Variants in NOB1 observed in about 807,000 individuals in gnomAD.
The protein encoded by NOB1 is RNA-binding protein NOB1.
A neutral mutation model predicts 44.8 loss-of-function variants in NOB1; 44 were observed. That is an observed-to-expected ratio of 0.98 (90% confidence interval 0.77 to 1.26). The LOEUF (loss-of-function observed/expected upper bound fraction) is 1.26, where lower values mean the gene tolerates loss of function less well. Among genes scored for constraint, NOB1 ranks in the 50% most tolerant of loss-of-function variants. The pLI is 0.00. For synonymous variants in NOB1, 238 were observed against 218.7 expected (o/e 1.09, Z -0.78); for missense variants, 560 against 544.8 (o/e 1.03, Z -0.28).
chr16:69,742,488 C>A lies in NOB1; in HGVS notation c.1083G>T (p.Val361=), dbSNP rs762807919. The change falls in exon 9 of 9, where the codon GTG becomes GTT. Residue 361 remains valine, a synonymous_variant. Transcript: ENST00000268802. The part of the protein sequence containing the change: ...LSQKARQKTN[V]FAPDYIAGVS... ...CCCCGGCGATGTAGTCAGGGGCGAACACGTTGGTTTTCTGCCTGGCCTTTT... is the reference window on the plus strand; with the variant it reads ...CCCCGGCGATGTAGTCAGGGGCGAAAACGTTGGTTTTCTGCCTGGCCTTTT... 2.6e-5 allele frequency: 42 copies of A among 1,614,090 alleles called. No individual in the cohort carries two copies. Among genetic ancestry groups the A allele is most frequent in the Non-Finnish European group, 3.2e-5 (38 of 1,180,046 alleles).
At chr16:69,752,437 G>A (rs1423252307) in intron 2 of NOB1, 66 bp from the exon 3 acceptor site, 3 of 1,538,130 alleles carry the variant, frequency 2.0e-6, no homozygotes, top group Non-Finnish European at 2.7e-6. Context: ...ATAACCAATG[G>A]AAGTATCAAA....
intron 7 of NOB1, among the ~76,000 whole-genome samples, 200 bp downstream of exon 7, chr16:69,748,032 G>A (rs2151753675): frequency 6.6e-6 from 1 of 152,260 alleles, no homozygotes; most frequent in Non-Finnish European, 1.5e-5. Context: ...GGGTGCAGTG[G>A]TATGTGCCTC....
At chr16:69,753,693 C>T (rs1253981671) in intron 2 of NOB1, among the ~76,000 whole-genome samples, 6 of 152,224 alleles carry the variant, frequency 3.9e-5, no homozygotes, top group Non-Finnish European at 8.8e-5. Flanking sequence ...CACTATCAGC[C>T]TCTAACCTCT....
chr16:69,746,313 C>T (rs1159776790), intron 7 of NOB1, among the ~76,000 whole-genome samples: 1 of 152,234 alleles, frequency 6.6e-6, no homozygotes, highest in Admixed American at 6.5e-5. Context: ...CCAGCCTGAG[C>T]CTGCAGAATG....
Position 69,742,114 on chromosome 16 carries a change from A to G in NOB1, c.*218T>C, listed in dbSNP as rs1386710207. The G allele has an allele frequency of 3.9e-6, 2 of 517,964 alleles. No individual in the cohort carries two copies. Among genetic ancestry groups the G allele is most frequent in the Non-Finnish European group, 6.8e-6 (2 of 293,082 alleles). 32.1% of individuals were successfully genotyped at this position (517,964 alleles called of 1,614,324 possible). A position where few individuals can be genotyped will look rare whatever the true frequency, so the allele number is the denominator to read the frequency against. ...GTTCTTTCTGTTTTTATGCAATTGC[A>G]CTTCCTTGGCAGGCAGCCAGGCGCT... is the stretch of plus-strand genomic sequence containing the variant. On this transcript the variant is annotated 3_prime_UTR_variant, in exon 9 of 9. Transcript: ENST00000268802.
chr16:69,752,070 A>C (rs981218174), intron 3 of NOB1, among the ~76,000 whole-genome samples, 171 bp downstream of exon 3: 6 of 152,094 alleles, frequency 3.9e-5, no homozygotes, highest in African/African-American at 1.4e-4. Flanking sequence ...ATCTCAAAAA[A>C]AAAAAAGTAC....
chr16:69,754,261 T>G (rs1049189414), intron 2 of NOB1, among the ~76,000 whole-genome samples: 2 of 152,242 alleles, frequency 1.3e-5, no homozygotes, highest in African/African-American at 4.8e-5. Context: ...CCAAATAAAT[T>G]TATTGCTTGT....
rs752791351 is a variant in NOB1, at chr16:69,754,813, C to G, written c.63+35G>C. The G allele has an allele frequency of 2.5e-6, 4 of 1,608,460 alleles. No individual in the cohort carries two copies. In the Admixed American group the frequency reaches 6.8e-5, roughly 27 times the overall value. On this transcript the variant is annotated intron_variant, in intron 1 of 8. Coordinates refer to ENST00000268802, the MANE Select transcript of NOB1 (RefSeq NM_014062.3). Reference sequence around the variant, plus strand: ...CGCACTCCGGGAGGGGCGGCCAGCCCAGATCTCTCTCGTCCCGGAGGGAGC... The same window carrying G: ...CGCACTCCGGGAGGGGCGGCCAGCCGAGATCTCTCTCGTCCCGGAGGGAGC...
At position 69,752,255 on chromosome 16, in the gene NOB1, G is replaced by C; in HGVS notation, c.313C>G (p.Gln105Glu). The C allele has an allele frequency of 6.2e-7, 1 of 1,612,234 alleles. No homozygotes were observed. The highest frequency in any genetic ancestry group is 2.2e-5 in the East Asian group (1 of 44,856). Residue 105 changes from glutamine to glutamate, a missense_variant, in exon 3 of 9, where the codon CAA becomes GAA. Coordinates refer to ENST00000268802, the MANE Select transcript of NOB1 (RefSeq NM_014062.3). ...TCTTGATTTACCTTCTGTGGTTCTT[G>C]TTTTAGGTGAGACACCCCAACAAAC... ...AEFVGVSHLK[Q>E]EPQKVKVSSS...
At position 69,744,920 on chromosome 16, in the gene NOB1, T is replaced by C. The variant is rs1301418374; in HGVS notation, c.922A>G (p.Met308Val). 2.5e-6 allele frequency: 4 copies of C among 1,614,094 alleles called. No individual in the cohort carries two copies. Among genetic ancestry groups the C allele is most frequent in the Admixed American group, 3.3e-5 (2 of 60,012 alleles). Reference protein sequence around the residue: ...VTVSDDGTLHMHFSRNPKVLN... With the variant: ...VTVSDDGTLHVHFSRNPKVLN... ...ACCTTGGGGTTGCGGGAGAAGTGCA[T>C]GTGCAGGGTGCCGTCGTCGCTGACG... The change falls in exon 8 of 9, where the codon ATG (methionine) becomes GTG (valine). Residue 308 changes from methionine (M) to valine (V), a missense_variant. Coordinates refer to ENST00000268802, the MANE Select transcript of NOB1 (RefSeq NM_014062.3).
chr16:69,752,922 G>A (rs1289762644), intron 2 of NOB1, among the ~76,000 whole-genome samples: 1 of 150,852 alleles, frequency 6.6e-6, no homozygotes, highest in Admixed American at 6.6e-5. Flanking sequence ...GCGACAGAGT[G>A]AGACTCCTTC....
chr16:69,747,650 A>C (rs576320796), intron 7 of NOB1, among the ~76,000 whole-genome samples: 9 of 152,248 alleles, frequency 5.9e-5, no homozygotes, highest in African/African-American at 1.9e-4. Context: ...TCCAAGGACA[A>C]ACATTTCGGT....
chr16:69,745,038 T>G (rs375251600), intron 7 of NOB1, 21 bp from the exon 8 acceptor site: 29 of 1,613,442 alleles, frequency 1.8e-5, no homozygotes, highest in Admixed American at 1.7e-5. Context: ...CAAAAGGAGA[T>G]GATCTGTACC....
At chr16:69,744,570 C>G (rs182197043) in intron 8 of NOB1, among the ~76,000 whole-genome samples, 2 of 152,124 alleles carry the variant, frequency 1.3e-5, no homozygotes. Context: ...TTCCTCTCTG[C>G]GTCATGGGCT....
intron 7 of NOB1, among the ~76,000 whole-genome samples, chr16:69,746,980 T>C (rs141335068): frequency 0.013 from 1,992 of 151,662 alleles, 42 homozygotes; most frequent in African/African-American, 0.043. Flanking sequence ...TCTCAGCACT[T>C]TGGGAGGCTG....
At position 69,754,660 on chromosome 16, in the gene NOB1, T is replaced by C; in HGVS notation, c.130A>G (p.Arg44Gly). ...VTEIRDKATR[R>G]RLAVLPYELR... Reference sequence around the variant, plus strand: ...TCGTAGGGCAGGACAGCGAGCCGCCTGCGTGTGGCCTTGTCCCGAATCTCA... The same window carrying C: ...TCGTAGGGCAGGACAGCGAGCCGCCCGCGTGTGGCCTTGTCCCGAATCTCA... The change falls in exon 2 of 9, where the codon AGG (arginine) becomes GGG (glycine). Residue 44 changes from arginine (R) to glycine (G), a missense_variant. By Grantham distance (125) the Arg-to-Gly change is moderately radical. Transcript: ENST00000268802. 1 of 1,614,210 alleles carries C rather than the reference T, an allele frequency of 6.2e-7. No individual in the cohort carries two copies. Among genetic ancestry groups the C allele is most frequent in the East Asian group, 2.2e-5 (1 of 44,882 alleles).
At chr16:69,746,444 C>A (rs1334500344) in intron 7 of NOB1, among the ~76,000 whole-genome samples, 2 of 152,252 alleles carry the variant, frequency 1.3e-5, no homozygotes, top group Admixed American at 1.3e-4. Flanking sequence ...AGAACACCAG[C>A]CTGACCCACC....
In NOB1 at chr16:69,742,625, C is replaced by T. The variant is rs764432729; in HGVS notation, c.970-24G>A. 24 of 1,610,704 alleles carry T rather than the reference C, an allele frequency of 1.5e-5. No homozygotes were observed. In the South Asian group the frequency reaches 2.5e-4, roughly 17 times the overall value. On this transcript the variant is annotated intron_variant, in intron 8 of 8. Transcript: ENST00000268802. ...TACTGGAAATAAGACAAGGAAGGGC[C>T]ATTAGAAGAAGGGGAGCCACAGTCA...
At chr16:69,748,443 G>A in intron 6 of NOB1, 114 bp from the exon 7 acceptor site, 1 of 939,988 alleles carries the variant, frequency 1.1e-6, no homozygotes, top group Non-Finnish European at 1.6e-6. Context: ...CTTTTGCGAA[G>A]GAAACTCAGC....
Sources: allele counts gnomAD v4.1 joint callset (sites outside exome capture counted in the v4.1 genomes callset), GRCh38; gene constraint gnomAD v4.1.1; transcripts MANE v1.5; gene names NCBI Gene and HGNC (gene_info 2026-07-23, HGNC 2026-07-21).